Variants in CPNE4 observed in about 807,000 individuals in gnomAD.
CPNE4 encodes the protein copine-4.
Under a neutral mutation model 67.9 loss-of-function variants are expected in CPNE4, and 25 were observed. That is an observed-to-expected ratio of 0.37 (90% CI 0.27 to 0.51). The LOEUF (loss-of-function observed/expected upper bound fraction) is 0.51. Ranked by LOEUF, CPNE4 falls within the 20% of genes least tolerant of loss-of-function variation. The pLI, the probability that CPNE4 is intolerant of heterozygous loss-of-function variation, is 0.93. For synonymous variants in CPNE4, 242 were observed against 244.9 expected (o/e 0.99, Z 0.11); for missense variants, 464 against 690.8 (o/e 0.67, Z 3.68).
At chr3:131,767,895 C>T (rs2083063845) in intron 2 of CPNE4, among the ~76,000 whole-genome samples, 1 of 152,058 alleles carries the variant, frequency 6.6e-6, no homozygotes, top group Admixed American at 6.6e-5. Context: ...TATTTGGAAA[C>T]CAAGTATCCA....
At chr3:131,841,643 C>A (rs1583305148) in intron 2 of CPNE4, among the ~76,000 whole-genome samples, 2 of 152,284 alleles carry the variant, frequency 1.3e-5, no homozygotes, top group Admixed American at 1.3e-4. Flanking sequence ...CACCCCATGT[C>A]CATGGAAAAA....
intron 1 of CPNE4, among the ~76,000 whole-genome samples, chr3:131,999,542 A>G (rs996902892): frequency 1.3e-5 from 2 of 152,090 alleles, no homozygotes; most frequent in South Asian, 2.1e-4. Context: ...GATTGTTGCA[A>G]TATTAAGCTC....
chr3:131,955,410 GTT>G (rs766033406), intron 1 of CPNE4, among the ~76,000 whole-genome samples: 11 of 42,266 alleles, frequency 2.6e-4, no homozygotes, highest in African/African-American at 5.6e-4. Context: ...TGTATGTAAG[GTT>G]TTTTTTTTTT....
chr3:132,013,597 G>C (rs1228316966), intron 1 of CPNE4, among the ~76,000 whole-genome samples: 1 of 152,146 alleles, frequency 6.6e-6, no homozygotes, highest in Non-Finnish European at 1.5e-5. Flanking sequence ...CCAAAGTAAA[G>C]ATGGCATTTT....
At chr3:131,655,083 A>T (rs2079917625) in intron 7 of CPNE4, among the ~76,000 whole-genome samples, 1 of 152,178 alleles carries the variant, frequency 6.6e-6, no homozygotes, top group Admixed American at 6.5e-5. Context: ...GATATAGAGA[A>T]ATTTTAAGGT....
intron 2 of CPNE4, among the ~76,000 whole-genome samples, chr3:131,796,373 G>A (rs761518176): frequency 1.3e-5 from 2 of 151,962 alleles, no homozygotes; most frequent in Non-Finnish European, 2.9e-5. Flanking sequence ...GGATGAAGTC[G>A]GGTGTCTCAT....
chr3:131,916,068 C>T (rs1560595167), intron 1 of CPNE4, among the ~76,000 whole-genome samples: 4 of 152,244 alleles, frequency 2.6e-5, no homozygotes, highest in Non-Finnish European at 4.4e-5. Flanking sequence ...TATCTTCTTC[C>T]TGTCACAGCC....
At chr3:131,640,989 C>T (rs774195850) in intron 7 of CPNE4, among the ~76,000 whole-genome samples, 26 of 152,154 alleles carry the variant, frequency 1.7e-4, no homozygotes, top group Admixed American at 3.3e-4. Context: ...ATTGGATCCT[C>T]GTCTCTCACC....
intron 2 of CPNE4, among the ~76,000 whole-genome samples, chr3:131,852,343 CAG>C (rs2086273073): frequency 6.6e-6 from 1 of 151,986 alleles, no homozygotes. Flanking sequence ...GGTTTCATCT[CAG>C]AAACACAGAG....
At chr3:131,777,063 C>T (rs1483268023) in intron 2 of CPNE4, among the ~76,000 whole-genome samples, 2 of 152,100 alleles carry the variant, frequency 1.3e-5, no homozygotes, top group East Asian at 3.9e-4. Context: ...CTCAAAGGTA[C>T]AGCCATTGGA....
chr3:131,677,486 TTTA>T (rs1198714414), intron 6 of CPNE4, among the ~76,000 whole-genome samples: 1 of 152,210 alleles, frequency 6.6e-6, no homozygotes, highest in East Asian at 1.9e-4. Flanking sequence ...TTTTGGCATC[TTTA>T]TTATGAAATC....
At chr3:131,756,523 T>C (rs1043707145) in intron 2 of CPNE4, among the ~76,000 whole-genome samples, 2 of 152,214 alleles carry the variant, frequency 1.3e-5, no homozygotes, top group Non-Finnish European at 1.5e-5. Context: ...CATTCATCCA[T>C]GCTCTACCTT....
chr3:131,539,195 G>C (rs1198698579), intron 15 of CPNE4, among the ~76,000 whole-genome samples: 1 of 152,180 alleles, frequency 6.6e-6, no homozygotes, highest in Admixed American at 6.5e-5. Context: ...GATAAGATGG[G>C]TGAGTATGCG....
rs1207831482 is a variant in CPNE4, at chr3:131,690,843, C to A, written c.508-4885G>T. The stretch of plus-strand genomic sequence containing the variant: ...ACTCAGAATTTATAAGGAACTTAAA[C>A]AATTCAATAAGCAAAAATAAATAAA... On this transcript the variant is annotated intron_variant, in intron 5 of 15. Coordinates refer to ENST00000429747, the MANE Select transcript of CPNE4 (RefSeq NM_130808.3). 2.6e-5 allele frequency among the ~76,000 whole-genome samples: 4 copies of A among 151,706 alleles called. No homozygotes were observed. The East Asian group carries it at 5.8e-4, about 22-fold the overall frequency.
At chr3:132,023,675 G>A (rs2074053357) in intron 1 of CPNE4, among the ~76,000 whole-genome samples, 2 of 152,032 alleles carry the variant, frequency 1.3e-5, no homozygotes, top group Admixed American at 6.5e-5. Context: ...TTTTAGTAGA[G>A]ACGGGGTTTC....
At chr3:131,597,166 C>A (rs1247376836) in intron 7 of CPNE4, among the ~76,000 whole-genome samples, 1 of 152,040 alleles carries the variant, frequency 6.6e-6, no homozygotes, top group Non-Finnish European at 1.5e-5. Flanking sequence ...AAACTAAGAA[C>A]AGAGGGGTTA....
chr3:131,711,931 A>G (rs1478034020), intron 3 of CPNE4, among the ~76,000 whole-genome samples: 3 of 152,192 alleles, frequency 2.0e-5, no homozygotes, highest in Non-Finnish European at 4.4e-5. Flanking sequence ...TCAAAAGATC[A>G]GAATCAAATT....
chr3:131,858,785 G>C (rs1053559380), intron 2 of CPNE4, among the ~76,000 whole-genome samples: 1 of 152,110 alleles, frequency 6.6e-6, no homozygotes, highest in Non-Finnish European at 1.5e-5. Context: ...AGGCAATAAC[G>C]TTCATTATAC....
intron 2 of CPNE4, among the ~76,000 whole-genome samples, chr3:131,883,170 C>CTCCAT (rs1458137934): frequency 1.3e-5 from 2 of 152,150 alleles, no homozygotes; most frequent in Non-Finnish European, 2.9e-5. Context: ...ACTGAAGTTA[C>CTCCAT]ACTGTACCAG....
Sources: allele counts gnomAD v4.1 joint callset (sites outside exome capture counted in the v4.1 genomes callset), GRCh38; gene constraint gnomAD v4.1.1; transcripts MANE v1.5; gene names NCBI Gene and HGNC (gene_info 2026-07-23, HGNC 2026-07-21).